The following TMOD3 variants were observed in gnomAD, a reference collection of about 807,000 sequenced individuals.
The protein encoded by TMOD3 is tropomodulin 3, also known as tropomodulin-3.
A neutral mutation model predicts 39.2 loss-of-function variants in TMOD3; 20 were observed. The observed-to-expected ratio is 0.51, with a 90% CI of 0.36 to 0.74. The LOEUF (loss-of-function observed/expected upper bound fraction) is 0.74. Ranked by LOEUF, TMOD3 falls within the 30% of genes least tolerant of loss-of-function variation. The pLI, the probability that TMOD3 is intolerant of heterozygous loss-of-function variation, is 0.00. For missense variants in TMOD3, 381 were observed against 412.8 expected, an observed-to-expected ratio of 0.92 and a Z score of 0.67; for synonymous variants, 143 against 145.8, an observed-to-expected ratio of 0.98 and a Z score of 0.14.
chr15:51,861,485 A>C (rs1294703687), intron 1 of TMOD3, among the ~76,000 whole-genome samples: 1 of 152,192 alleles, frequency 6.6e-6, no homozygotes, highest in Non-Finnish European at 1.5e-5. Context: ...AAGGAGCCTT[A>C]AAATGTTACT....
rs1219927372 is a variant in TMOD3 at position 51,902,999 on chromosome 15, T to C, written c.1024+963T>C. Among the ~76,000 whole-genome samples the C allele has an allele frequency of 3.3e-5, 5 of 152,074 alleles. No homozygotes were observed. The East Asian group carries it at 9.7e-4, about 29-fold the overall frequency. Reference sequence around the variant, plus strand: ...TGGGGTTTCACCATGTTGGCCAGGATGGTCTCAATCTCTTGACCTCACGAT... The same window carrying C: ...TGGGGTTTCACCATGTTGGCCAGGACGGTCTCAATCTCTTGACCTCACGAT... On this transcript the variant is annotated intron_variant, in intron 9 of 9. Transcript: ENST00000308580.
At chr15:51,874,263 A>G (rs1445238103) in intron 3 of TMOD3, among the ~76,000 whole-genome samples, 2 of 152,222 alleles carry the variant, frequency 1.3e-5, no homozygotes, top group African/African-American at 4.8e-5. Flanking sequence ...TCCATTAATA[A>G]TTTCACCTCA....
chr15:51,843,998 G>A (rs959109130), intron 1 of TMOD3, among the ~76,000 whole-genome samples: 1 of 151,574 alleles, frequency 6.6e-6, no homozygotes, highest in South Asian at 2.1e-4. Context: ...TTACCTGAGT[G>A]TGGCATGCAT....
At chr15:51,886,265 G>A (rs2056562436) in intron 3 of TMOD3, among the ~76,000 whole-genome samples, 1 of 152,156 alleles carries the variant, frequency 6.6e-6, no homozygotes, top group African/African-American at 2.4e-5. Flanking sequence ...CAGACGGGGT[G>A]GCGGCCGGGC....
intron 8 of TMOD3, chr15:51,901,323 G>A (rs931159574): frequency 2.0e-5 from 3 of 152,928 alleles, no homozygotes; most frequent in Non-Finnish European, 4.4e-5. Flanking sequence ...TATATAGCTA[G>A]GAGTGTATTG....
chr15:51,861,986 G>T (rs959887746), intron 1 of TMOD3, among the ~76,000 whole-genome samples: 1 of 152,140 alleles, frequency 6.6e-6, no homozygotes, highest in East Asian at 1.9e-4. Flanking sequence ...CATACATATG[G>T]CTGGAATATG....
rs753814979 is a variant in TMOD3 at position 51,881,550 on chromosome 15, C to CTTTTTTTTTTTTTT, written c.284-6024_284-6011dup. 5.5e-4 allele frequency among the ~76,000 whole-genome samples: 34 copies of CTTTTTTTTTTTTTT among 61,844 alleles called. 3 individuals are homozygous for CTTTTTTTTTTTTTT. Among genetic ancestry groups the CTTTTTTTTTTTTTT allele is most frequent in the East Asian group, 1.9e-3 (3 of 1,576 alleles). 40.6% of individuals were successfully genotyped at this position (61,844 alleles called of 152,430 possible). A position where few individuals can be genotyped will look rare whatever the true frequency, so the allele number is the denominator to read the frequency against. On this transcript the variant is annotated intron_variant, in intron 3 of 9. Coordinates refer to ENST00000308580, the MANE Select transcript of TMOD3 (RefSeq NM_014547.5). ...ACGGAGATACAATCTTTCTTTATTT[C>CTTTTTTTTTTTTTT]TTTTTTTTTTTTTTTTTTTTTTTTT... is the stretch of plus-strand genomic sequence containing the variant.
At chr15:51,881,326 A>G (rs915355878) in intron 3 of TMOD3, among the ~76,000 whole-genome samples, 1 of 152,080 alleles carries the variant, frequency 6.6e-6, no homozygotes, top group Non-Finnish European at 1.5e-5. Context: ...CATTCCTTAT[A>G]TATTCTGGAT....
intron 9 of TMOD3, among the ~76,000 whole-genome samples, chr15:51,905,635 C>T (rs1276247344): frequency 6.6e-6 from 1 of 152,182 alleles, no homozygotes; most frequent in East Asian, 1.9e-4. Context: ...GATTAAGATA[C>T]TTCAAAAACA....
At chr15:51,860,283 C>T (rs1172097906) in intron 1 of TMOD3, 5 of 527,508 alleles carry the variant, frequency 9.5e-6, no homozygotes, top group East Asian at 5.2e-5. Flanking sequence ...AAATTCTGCA[C>T]CTTAAATTAT....
intron 3 of TMOD3, among the ~76,000 whole-genome samples, chr15:51,879,871 C>CACACAA (rs2056524239): frequency 6.6e-6 from 1 of 151,206 alleles, no homozygotes; most frequent in Admixed American, 6.6e-5. Flanking sequence ...CACACACACA[C>CACACAA]ACACACACAC....
At chr15:51,907,714 A>G (rs910167210) in intron 9 of TMOD3, among the ~76,000 whole-genome samples, 13 of 152,224 alleles carry the variant, frequency 8.5e-5, no homozygotes, top group Admixed American at 2.6e-4. Flanking sequence ...CACAATGCTG[A>G]TAGCCCTGAA....
chr15:51,912,077 T>A lies in TMOD3; in HGVS notation c.*3267T>A, dbSNP rs1004661266. The A allele has an allele frequency of 1.3e-5, 2 of 152,168 alleles. No homozygotes were observed. The highest frequency in any genetic ancestry group is 1.3e-4 in the Admixed American group (2 of 15,266). 9.4% of individuals were successfully genotyped at this position (152,168 alleles called of 1,614,324 possible). ...ATAAATTGTTTTCCAGTTGACCGAG[T>A]ATCTGTTGTGTTTTTGTTTAAAAAG... On this transcript the variant is annotated 3_prime_UTR_variant, in exon 10 of 10. Transcript: ENST00000308580.
intron 3 of TMOD3, among the ~76,000 whole-genome samples, chr15:51,869,966 T>A (rs1035924011): frequency 6.6e-6 from 1 of 152,044 alleles, no homozygotes; most frequent in Non-Finnish European, 1.5e-5. Context: ...TGAGATGGAG[T>A]CTTGCTCTGT....
At chr15:51,858,825 C>G (rs1365971698) in intron 1 of TMOD3, among the ~76,000 whole-genome samples, 1 of 152,094 alleles carries the variant, frequency 6.6e-6, no homozygotes, top group Non-Finnish European at 1.5e-5. Flanking sequence ...TATGGTAGGT[C>G]TGGCCTCAGC....
intron 1 of TMOD3, among the ~76,000 whole-genome samples, chr15:51,841,912 G>A (rs2056314508): frequency 6.6e-6 from 1 of 152,142 alleles, no homozygotes; most frequent in African/African-American, 2.4e-5. Context: ...TGGGATTACA[G>A]GCATGGGCCA....
chr15:51,908,177 C>T (rs1298235115), intron 9 of TMOD3, among the ~76,000 whole-genome samples: 1 of 152,156 alleles, frequency 6.6e-6, no homozygotes, highest in Non-Finnish European at 1.5e-5. Flanking sequence ...CAAATAGTTA[C>T]TTTTAATATG....
At chr15:51,859,144 T>C (rs568202906) in intron 1 of TMOD3, 2 of 673,750 alleles carry the variant, frequency 3.0e-6, no homozygotes, top group Admixed American at 4.0e-5. Flanking sequence ...CCCACAGGGC[T>C]TGCAATACTG....
intron 2 of TMOD3, 45 bp downstream of exon 2, chr15:51,863,055 C>A (rs367766464): frequency 6.3e-7 from 1 of 1,582,810 alleles, no homozygotes; most frequent in East Asian, 2.3e-5. Flanking sequence ...TTTTCGAATT[C>A]TTTGAAACTC....
Sources: allele counts gnomAD v4.1 joint callset (sites outside exome capture counted in the v4.1 genomes callset), GRCh38; gene constraint gnomAD v4.1.1; transcripts MANE v1.5; gene names NCBI Gene and HGNC (gene_info 2026-07-23, HGNC 2026-07-21).